Variants in SGCZ observed in about 807,000 individuals in gnomAD.
SGCZ encodes the protein sarcoglycan zeta, also known as zeta-sarcoglycan.
In SGCZ, 40 loss-of-function variants were observed where a neutral mutation model predicts 41.3. That is an observed-to-expected ratio of 0.97 (90% CI 0.75 to 1.26). The LOEUF is 1.26. Among genes scored for constraint, SGCZ ranks in the 50% most tolerant of loss-of-function variants. SGCZ has a pLI of 0.00. For missense variants in SGCZ, 552 were observed against 369.8 expected (o/e 1.49, Z -4.04); for synonymous variants, 206 against 137.5 (o/e 1.50, Z -3.49).
At chr8:15,026,295 G>T (rs914253539) in intron 1 of SGCZ, among the ~76,000 whole-genome samples, 2 of 152,080 alleles carry the variant, frequency 1.3e-5, no homozygotes, top group Non-Finnish European at 2.9e-5. Flanking sequence ...ATGATAGAAG[G>T]AACATAATTT....
intron 2 of SGCZ, among the ~76,000 whole-genome samples, chr8:14,383,221 A>AT (rs1483300373): frequency 5.3e-5 from 8 of 152,242 alleles, no homozygotes; most frequent in Admixed American, 1.3e-4. Context: ...TATAAAACCA[A>AT]TTAATGTGAA....
At chr8:14,780,131 T>C (rs1317205499) in intron 1 of SGCZ, among the ~76,000 whole-genome samples, 1 of 151,862 alleles carries the variant, frequency 6.6e-6, no homozygotes, top group Non-Finnish European at 1.5e-5. Flanking sequence ...CCCAGCACTT[T>C]GGGAGGCAGA....
intron 1 of SGCZ, among the ~76,000 whole-genome samples, chr8:14,978,668 TC>T (rs1801566904): frequency 6.6e-6 from 1 of 152,012 alleles, no homozygotes; most frequent in African/African-American, 2.4e-5. Context: ...AATCTCACTT[TC>T]CTTTGCATTC....
chr8:14,753,964 T>A lies in SGCZ; in HGVS notation c.40-199038A>T, dbSNP rs538598791. ...CTAACATTCTGCTTTAGTCTTTAAATATGAAATAAATAAAGTGGACTTTAC... is the reference window on the plus strand; with the variant it reads ...CTAACATTCTGCTTTAGTCTTTAAAAATGAAATAAATAAAGTGGACTTTAC... On this transcript the variant is annotated intron_variant, in intron 1 of 7. Coordinates refer to ENST00000382080, the MANE Select transcript of SGCZ (RefSeq NM_139167.4). 7.2e-5 allele frequency among the ~76,000 whole-genome samples: 11 copies of A among 152,288 alleles called. No individual in the cohort carries two copies. The South Asian group carries it at 2.3e-3, about 32-fold the overall frequency.
In SGCZ at chr8:14,645,282, G is replaced by C. The variant is rs1807170732; in HGVS notation, c.40-90356C>G. On this transcript the variant is annotated intron_variant, in intron 1 of 7. Transcript: ENST00000382080. ...TTTGATGAAATATTTCTTTCTTATTGCGAATTATACCTTATGTTCTAAAAA... is the reference window on the plus strand; with the variant it reads ...TTTGATGAAATATTTCTTTCTTATTCCGAATTATACCTTATGTTCTAAAAA... 2.0e-5 allele frequency among the ~76,000 whole-genome samples: 3 copies of C among 150,732 alleles called. No individual in the cohort carries two copies. The South Asian group carries it at 6.3e-4, about 31-fold the overall frequency.
intron 5 of SGCZ, among the ~76,000 whole-genome samples, chr8:14,122,052 G>T (rs202111354): frequency 6.6e-6 from 1 of 152,132 alleles, no homozygotes; most frequent in Non-Finnish European, 1.5e-5. Context: ...GCCGAGGCGG[G>T]CAGATCCCAA....
intron 1 of SGCZ, among the ~76,000 whole-genome samples, chr8:14,755,164 A>G (rs1176480825): frequency 6.6e-6 from 1 of 152,032 alleles, no homozygotes; most frequent in Non-Finnish European, 1.5e-5. Context: ...TTAAGTCTTG[A>G]CCACTTTAAA....
intron 1 of SGCZ, among the ~76,000 whole-genome samples, chr8:15,027,695 A>G (rs941132952): frequency 8.5e-5 from 13 of 152,132 alleles, no homozygotes; most frequent in Admixed American, 2.6e-4. Flanking sequence ...GTTCCAAAAC[A>G]TATTAACTAC....
chr8:15,071,407 A>G (rs922964268), intron 1 of SGCZ, among the ~76,000 whole-genome samples: 7 of 152,196 alleles, frequency 4.6e-5, no homozygotes, highest in African/African-American at 1.7e-4. Flanking sequence ...TGGAAAACCT[A>G]TGTTCTACTC....
chr8:14,929,671 G>A (rs970503015), intron 1 of SGCZ, among the ~76,000 whole-genome samples: 29 of 151,980 alleles, frequency 1.9e-4, no homozygotes, highest in Non-Finnish European at 3.4e-4. Context: ...CTTTTGTAAG[G>A]CCCTTTGTTA....
At chr8:14,677,730 A>C (rs542597456) in intron 1 of SGCZ, among the ~76,000 whole-genome samples, 1 of 152,136 alleles carries the variant, frequency 6.6e-6, no homozygotes, top group Non-Finnish European at 1.5e-5. Context: ...AAGATCGCAC[A>C]AGTAAACTCC....
chr8:15,123,819 G>A (rs1255578561), intron 1 of SGCZ, among the ~76,000 whole-genome samples: 3 of 152,140 alleles, frequency 2.0e-5, no homozygotes, highest in Non-Finnish European at 2.9e-5. Flanking sequence ...AACATCAATC[G>A]CAGACTGAGG....
intron 1 of SGCZ, among the ~76,000 whole-genome samples, chr8:15,151,144 G>A (rs566663968): frequency 9.8e-5 from 15 of 152,302 alleles, no homozygotes; most frequent in East Asian, 3.9e-4. Context: ...GGACTACTGC[G>A]GTACGCCAAC....
At chr8:14,388,991 AG>A (rs1230356993) in intron 2 of SGCZ, among the ~76,000 whole-genome samples, 3 of 152,038 alleles carry the variant, frequency 2.0e-5, no homozygotes, top group Non-Finnish European at 4.4e-5. Context: ...TTCACAGACA[AG>A]AAAAAAGCAT....
At chr8:14,241,680 C>T (rs772573911) in intron 3 of SGCZ, among the ~76,000 whole-genome samples, 4 of 151,896 alleles carry the variant, frequency 2.6e-5, no homozygotes, top group African/African-American at 9.7e-5. Flanking sequence ...CTCTAGAGGA[C>T]ATATCCGCCT....
chr8:14,277,761 C>T (rs1161800728), intron 3 of SGCZ, among the ~76,000 whole-genome samples: 1 of 152,028 alleles, frequency 6.6e-6, no homozygotes, highest in African/African-American at 2.4e-5. Context: ...ACTCACAACC[C>T]CAAGTGAGGG....
At chr8:14,600,820 C>T (rs1805567742) in intron 1 of SGCZ, among the ~76,000 whole-genome samples, 1 of 151,226 alleles carries the variant, frequency 6.6e-6, no homozygotes, top group Admixed American at 6.6e-5. Flanking sequence ...CATTGTTGTA[C>T]TTAATACAAA....
At chr8:14,138,776 G>C (rs1255416202) in intron 5 of SGCZ, among the ~76,000 whole-genome samples, 2 of 152,154 alleles carry the variant, frequency 1.3e-5, no homozygotes, top group Non-Finnish European at 2.9e-5. Context: ...ACATTAGACA[G>C]ATCAATGAGA....
In SGCZ at chr8:14,337,980, A is replaced by C. The variant is rs143920618; in HGVS notation, c.235-13776T>G. 2.0e-5 allele frequency among the ~76,000 whole-genome samples: 3 copies of C among 152,154 alleles called. No homozygotes were observed. In the East Asian group the frequency reaches 5.8e-4, roughly 29 times the overall value. ...GAAGGTTATAAGGAGATGCTTAATA[A>C]CTCTTGCTGTCCATGGAGGCTAAGA... On this transcript the variant is annotated intron_variant, in intron 2 of 7. Transcript: ENST00000382080.
Sources: allele counts gnomAD v4.1 joint callset (sites outside exome capture counted in the v4.1 genomes callset), GRCh38; gene constraint gnomAD v4.1.1; transcripts MANE v1.5; gene names NCBI Gene and HGNC (gene_info 2026-07-23, HGNC 2026-07-21).